Variants in CRACDL observed in about 807,000 individuals in gnomAD.
CRACDL encodes the protein CRACD-like protein.
A neutral mutation model predicts 70.6 loss-of-function variants in CRACDL; 26 were observed. The observed-to-expected ratio is 0.37, with a 90% CI of 0.27 to 0.51. The LOEUF (loss-of-function observed/expected upper bound fraction) is 0.51, where lower values mean the gene tolerates loss of function less well. CRACDL is among the 20% of genes least tolerant of loss of function. The pLI, the probability that CRACDL is intolerant of heterozygous loss-of-function variation, is 0.94. For synonymous variants in CRACDL, 618 were observed against 615.2 expected, an observed-to-expected ratio of 1.00 and a Z score of -0.07; for missense variants, 1,283 against 1,376.9, an observed-to-expected ratio of 0.93 and a Z score of 1.08.
chr2:98,802,280 C>T (rs1210234642), intron 7 of CRACDL, among the ~76,000 whole-genome samples: 4 of 152,264 alleles, frequency 2.6e-5, no homozygotes, highest in Admixed American at 6.5e-5. Flanking sequence ...CCGCTATCCA[C>T]GGCGGCGCTC....
chr2:98,895,431 C>T (rs902487880), intron 1 of CRACDL, among the ~76,000 whole-genome samples: 8 of 152,028 alleles, frequency 5.3e-5, no homozygotes, highest in African/African-American at 1.9e-4. Context: ...CAGACAAATA[C>T]GGTGCGTGGG....
intron 1 of CRACDL, among the ~76,000 whole-genome samples, chr2:98,917,669 A>G (rs1412664988): frequency 6.6e-6 from 1 of 152,244 alleles, no homozygotes; most frequent in Non-Finnish European, 1.5e-5. Flanking sequence ...TATACATTTA[A>G]AGGGTACAAG....
At chr2:98,904,976 C>T (rs1317067348) in intron 1 of CRACDL, among the ~76,000 whole-genome samples, 1 of 152,040 alleles carries the variant, frequency 6.6e-6, no homozygotes, top group Non-Finnish European at 1.5e-5. Context: ...CCCGGCCGGG[C>T]GCGGTGGCTC....
At chr2:98,808,190 A>G (rs963999670) in intron 7 of CRACDL, among the ~76,000 whole-genome samples, 3 of 152,216 alleles carry the variant, frequency 2.0e-5, no homozygotes, top group African/African-American at 7.2e-5. Context: ...CCATTATTCC[A>G]GACGTACTGG....
chr2:98,928,505 G>A (rs1047383912), intron 1 of CRACDL, among the ~76,000 whole-genome samples: 6 of 152,102 alleles, frequency 3.9e-5, no homozygotes, highest in Admixed American at 6.6e-5. Flanking sequence ...AGACTTCTTC[G>A]TGCTAATTGC....
At chr2:98,810,575 G>A (rs959360913) in intron 7 of CRACDL, among the ~76,000 whole-genome samples, 5 of 152,004 alleles carry the variant, frequency 3.3e-5, no homozygotes, top group African/African-American at 1.2e-4. Flanking sequence ...TGACCAAGGT[G>A]AACATCACAA....
intron 1 of CRACDL, among the ~76,000 whole-genome samples, chr2:98,871,606 G>C (rs958837558): frequency 6.6e-6 from 1 of 152,208 alleles, no homozygotes; most frequent in African/African-American, 2.4e-5. Context: ...TTCTGGGCTG[G>C]AATCTGGCAG....
At chr2:98,926,649 G>T (rs1573209826) in intron 1 of CRACDL, among the ~76,000 whole-genome samples, 1 of 152,308 alleles carries the variant, frequency 6.6e-6, no homozygotes, top group Non-Finnish European at 1.5e-5. Context: ...ACTCAGAGGG[G>T]CAGCTTGGAA....
At chr2:98,808,079 A>G (rs1575328480) in intron 7 of CRACDL, among the ~76,000 whole-genome samples, 1 of 152,318 alleles carries the variant, frequency 6.6e-6, no homozygotes, top group East Asian at 1.9e-4. Flanking sequence ...TTTCGCTTAC[A>G]TTTACATTTA....
At chr2:98,889,338 A>AGAAAGAAG (rs1707901485) in intron 1 of CRACDL, among the ~76,000 whole-genome samples, 2 of 123,616 alleles carry the variant, frequency 1.6e-5, no homozygotes, top group East Asian at 4.2e-4. Context: ...AAAGAAAGAA[A>AGAAAGAAG]GAAAGGAAAC....
chr2:98,900,167 A>AGGAG (rs1708237378), intron 1 of CRACDL, among the ~76,000 whole-genome samples: 2 of 127,632 alleles, frequency 1.6e-5, no homozygotes, highest in African/African-American at 2.9e-5. Flanking sequence ...AAGGGGAGGC[A>AGGAG]GATGGACAGA....
chr2:98,852,974 GGAGA>G (rs746840395), intron 1 of CRACDL, among the ~76,000 whole-genome samples: 44 of 127,790 alleles, frequency 3.4e-4, no homozygotes, highest in African/African-American at 1.1e-3. Flanking sequence ...GGTGGGTGCG[GGAGA>G]GAGAGAGAGA....
At chr2:98,910,521 A>T (rs1269353286) in intron 1 of CRACDL, among the ~76,000 whole-genome samples, 1 of 140,742 alleles carries the variant, frequency 7.1e-6, no homozygotes, top group East Asian at 2.1e-4. Flanking sequence ...ACTCTGTCTC[A>T]AAATAAATAA....
At chr2:98,799,919 C>T (rs1704001983) in intron 7 of CRACDL, among the ~76,000 whole-genome samples, 1 of 152,210 alleles carries the variant, frequency 6.6e-6, no homozygotes, top group Non-Finnish European at 1.5e-5. Context: ...ACTTTTGTTC[C>T]TAACCTGGAA....
chr2:98,806,925 A>G (rs182008190), intron 7 of CRACDL, among the ~76,000 whole-genome samples: 34 of 152,218 alleles, frequency 2.2e-4, no homozygotes, highest in African/African-American at 7.5e-4. Context: ...TTGTCCTTGG[A>G]GCTCAGATTT....
chr2:98,874,030 C>T (rs1051356844), intron 1 of CRACDL, among the ~76,000 whole-genome samples: 2 of 152,098 alleles, frequency 1.3e-5, no homozygotes, highest in Non-Finnish European at 2.9e-5. Context: ...GAAATAATTC[C>T]GCAAGACAAG....
chr2:98,817,456 C>G (rs763160899), intron 7 of CRACDL, among the ~76,000 whole-genome samples: 38 of 152,242 alleles, frequency 2.5e-4, no homozygotes, highest in Non-Finnish European at 4.7e-4. Context: ...TATTCTAACC[C>G]AAATGAATTT....
intron 1 of CRACDL, among the ~76,000 whole-genome samples, chr2:98,925,433 G>C (rs1303725484): frequency 6.6e-6 from 1 of 152,220 alleles, no homozygotes; most frequent in Non-Finnish European, 1.5e-5. Context: ...TAACTTGTCT[G>C]TGCCTCAGTT....
At chr2:98,913,826 GC>G (rs1708602000) in intron 1 of CRACDL, among the ~76,000 whole-genome samples, 2 of 152,222 alleles carry the variant, frequency 1.3e-5, no homozygotes, top group African/African-American at 4.8e-5. Flanking sequence ...AATCAGCTAA[GC>G]TATGTGAGAG....
Sources: gnomAD v4.1 joint callset for allele counts (sites outside exome capture counted in the v4.1 genomes callset) on GRCh38, gnomAD v4.1.1 for gene constraint, MANE v1.5 for transcripts, NCBI Gene and HGNC (gene_info 2026-07-23, HGNC 2026-07-21) for gene names.